DPYD: variants seen among roughly 807,000 people sequenced by gnomAD.
DPYD encodes the protein dihydropyrimidine dehydrogenase.
A neutral mutation model predicts 116.2 loss-of-function variants in DPYD; 109 were observed. The ratio of observed to expected loss-of-function variants is 0.94; its 90% CI spans 0.80 to 1.10. The LOEUF (loss-of-function observed/expected upper bound fraction) is 1.10, where lower values mean the gene tolerates loss of function less well. Ranked by LOEUF, DPYD falls within the 50% of genes least tolerant of loss-of-function variation. The pLI is 0.00. For synonymous variants in DPYD, 440 were observed against 432.0 expected, an observed-to-expected ratio of 1.02 and a Z score of -0.23; for missense variants, 1,302 against 1,254.5, an observed-to-expected ratio of 1.04 and a Z score of -0.57.
intron 10 of DPYD, among the ~76,000 whole-genome samples, chr1:97,581,270 T>C (rs1412060641): frequency 1.5e-5 from 2 of 132,534 alleles, no homozygotes; most frequent in Non-Finnish European, 3.1e-5. Flanking sequence ...GAGGTTGCAG[T>C]GAGCTGAGAT....
At chr1:97,863,474 G>A (rs775867550) in intron 2 of DPYD, among the ~76,000 whole-genome samples, 7 of 151,700 alleles carry the variant, frequency 4.6e-5, no homozygotes, top group Non-Finnish European at 7.4e-5. Flanking sequence ...AGAGGTTTAC[G>A]GTCACATGAT....
At position 97,921,005 on chromosome 1, in the gene DPYD, G is replaced by C; in HGVS notation, c.-83C>G. 6.6e-7 allele frequency: 1 copy of C among 1,525,578 alleles called. No homozygotes were observed. 94.5% of individuals were successfully genotyped at this position (1,525,578 alleles called of 1,614,324 possible). ...CCAGCCAGAGAGCCAAGTGACAGCA[G>C]CCGGAGCGCGAGTCGAAAACAGGCA... On this transcript the variant is annotated 5_prime_UTR_variant, in exon 1 of 23. Coordinates refer to ENST00000370192, the MANE Select transcript of DPYD (RefSeq NM_000110.4).
chr1:97,801,794 T>A (rs1247083506), intron 3 of DPYD, among the ~76,000 whole-genome samples: 1 of 151,888 alleles, frequency 6.6e-6, no homozygotes, highest in Non-Finnish European at 1.5e-5. Context: ...TCTCCCTTAT[T>A]GAAATTTCAA....
chr1:97,267,329 CT>C (rs1300053646), intron 18 of DPYD, among the ~76,000 whole-genome samples: 4 of 152,048 alleles, frequency 2.6e-5, no homozygotes, highest in Non-Finnish European at 5.9e-5. Flanking sequence ...TAAATGTCTT[CT>C]TTTGAGAAGT....
rs1679271576 is a variant in DPYD at position 97,496,463 on chromosome 1, T to C, written c.1740+19263A>G. 3.3e-5 allele frequency among the ~76,000 whole-genome samples: 5 copies of C among 152,226 alleles called. No individual in the cohort carries two copies. In the South Asian group the frequency reaches 1.0e-3, roughly 32 times the overall value. On this transcript the variant is annotated intron_variant, in intron 13 of 22. Coordinates refer to ENST00000370192, the MANE Select transcript of DPYD (RefSeq NM_000110.4). ...AGCCTGTCTTATCCTTCTTTGCATA[T>C]AGTTCATTATCCTTTAAGATAAAGT...
At chr1:97,096,672 G>GA (rs1650270272) in intron 21 of DPYD, among the ~76,000 whole-genome samples, 1 of 152,082 alleles carries the variant, frequency 6.6e-6, no homozygotes, top group Non-Finnish European at 1.5e-5. Context: ...TAAAACGCAC[G>GA]AATCAGCAGG....
At chr1:97,551,464 G>T (rs1651314830) in intron 11 of DPYD, among the ~76,000 whole-genome samples, 1 of 152,072 alleles carries the variant, frequency 6.6e-6, no homozygotes, top group African/African-American at 2.4e-5. Flanking sequence ...TTTATAAATA[G>T]TGGCAAGGGG....
intron 1 of DPYD, chr1:97,883,705 C>T: frequency 2.9e-6 from 1 of 347,912 alleles, no homozygotes; most frequent in Admixed American, 4.3e-5. Context: ...GCTCAACCTC[C>T]CAAAGTGCTG....
At chr1:97,813,051 C>A (rs1020125724) in intron 3 of DPYD, among the ~76,000 whole-genome samples, 9 of 152,038 alleles carry the variant, frequency 5.9e-5, no homozygotes, top group Non-Finnish European at 1.0e-4. Flanking sequence ...GGTGGAATGC[C>A]CCATACAAGG....
At chr1:97,103,155 C>T (rs1425465410) in intron 20 of DPYD, among the ~76,000 whole-genome samples, 1 of 152,050 alleles carries the variant, frequency 6.6e-6, no homozygotes, top group Non-Finnish European at 1.5e-5. Context: ...CAGCATGATT[C>T]AAGGTAGCAC....
chr1:97,670,950 T>C (rs1053333385), intron 8 of DPYD, among the ~76,000 whole-genome samples: 15 of 151,954 alleles, frequency 9.9e-5, no homozygotes, highest in Admixed American at 3.9e-4. Context: ...ATGAAACATA[T>C]ATAGAAAAAT....
At chr1:97,173,323 T>TGTGTATATATATGTACACATATATGC (rs1290695631) in intron 20 of DPYD, among the ~76,000 whole-genome samples, 6 of 136,380 alleles carry the variant, frequency 4.4e-5, no homozygotes, top group African/African-American at 2.0e-4. Context: ...CACACATATA[T>TGTGTATATATATGTACACATATATGC]ACACATATAT....
intron 15 of DPYD, among the ~76,000 whole-genome samples, chr1:97,375,390 C>T (rs1223369360): frequency 6.6e-6 from 1 of 152,120 alleles, no homozygotes; most frequent in Non-Finnish European, 1.5e-5. Flanking sequence ...AGTCATTAAT[C>T]GGTTGATAGT....
intron 16 of DPYD, among the ~76,000 whole-genome samples, chr1:97,322,458 G>C (rs1337383722): frequency 1.3e-5 from 2 of 151,974 alleles, no homozygotes; most frequent in East Asian, 3.9e-4. Flanking sequence ...TACTAAAGTG[G>C]GTGACTTTGG....
chr1:97,913,600 G>C (rs1359690063), intron 1 of DPYD, among the ~76,000 whole-genome samples: 2 of 152,016 alleles, frequency 1.3e-5, no homozygotes, highest in East Asian at 3.9e-4. Context: ...CTATTTTGCT[G>C]GCAATTTTCA....
chr1:97,269,148 AT>A (rs372211048), intron 18 of DPYD, among the ~76,000 whole-genome samples: 19 of 150,932 alleles, frequency 1.3e-4, no homozygotes, highest in East Asian at 9.7e-4. Context: ...ATTCTACCAC[AT>A]TTTTTTTTGC....
chr1:97,582,706 T>A (rs1377086321), intron 10 of DPYD, among the ~76,000 whole-genome samples: 1 of 152,224 alleles, frequency 6.6e-6, no homozygotes, highest in Non-Finnish European at 1.5e-5. Flanking sequence ...ACAGGCTTCA[T>A]TCACATATAG....
At chr1:97,347,298 T>G (rs1669908351) in intron 16 of DPYD, among the ~76,000 whole-genome samples, 1 of 152,008 alleles carries the variant, frequency 6.6e-6, no homozygotes, top group Non-Finnish European at 1.5e-5. Context: ...TTCCTTCCTA[T>G]TCACAATTTT....
At chr1:97,755,520 T>C (rs1665179958) in intron 3 of DPYD, among the ~76,000 whole-genome samples, 1 of 152,178 alleles carries the variant, frequency 6.6e-6, no homozygotes, top group Admixed American at 6.5e-5. Context: ...CTGGTAACTG[T>C]GCACAATGAG....
Sources: allele counts gnomAD v4.1 joint callset (sites outside exome capture counted in the v4.1 genomes callset), GRCh38; gene constraint gnomAD v4.1.1; transcripts MANE v1.5; gene names NCBI Gene and HGNC (gene_info 2026-07-23, HGNC 2026-07-21).